The following FARSB variants were observed in gnomAD, a reference collection of about 807,000 sequenced individuals.
FARSB encodes phenylalanyl-tRNA synthetase subunit beta.
Under a neutral mutation model 69.6 loss-of-function variants are expected in FARSB, and 40 were observed. That is an observed-to-expected ratio of 0.57 (90% confidence interval 0.45 to 0.75). FARSB has a LOEUF of 0.75. FARSB is among the 30% of genes least tolerant of loss of function. The probability of loss-of-function intolerance (pLI) is 0.00; values close to 1 mark genes in which losing one functional copy is unlikely to be tolerated. For synonymous variants in FARSB, 235 were observed against 247.2 expected (o/e 0.95, Z 0.46); for missense variants, 632 against 722.9 (o/e 0.87, Z 1.44).
At chr2:222,631,843 TG>T (rs1362355857) in intron 7 of FARSB, among the ~76,000 whole-genome samples, 169 bp from the exon 8 acceptor site, 1 of 152,234 alleles carries the variant, frequency 6.6e-6, no homozygotes, top group Non-Finnish European at 1.5e-5. Context: ...GAGGCCAAAG[TG>T]GGCGGATCAC....
chr2:222,640,524 T>G (rs1691693576), intron 4 of FARSB, among the ~76,000 whole-genome samples: 2 of 151,330 alleles, frequency 1.3e-5, no homozygotes, highest in African/African-American at 2.4e-5. Flanking sequence ...CTCAAGAAGC[T>G]GCAGGGGAAG....
At chr2:222,645,497 C>A (rs1213713397) in intron 2 of FARSB, among the ~76,000 whole-genome samples, 1 of 152,000 alleles carries the variant, frequency 6.6e-6, no homozygotes, top group Non-Finnish European at 1.5e-5. Flanking sequence ...TTAGCCTGAA[C>A]ATTTTTTAAC....
chr2:222,645,203 C>T (rs1036090020), intron 2 of FARSB, among the ~76,000 whole-genome samples: 15 of 152,134 alleles, frequency 9.9e-5, no homozygotes, highest in Admixed American at 2.0e-4. Context: ...CAGAGAGACT[C>T]GTCTGGACTA....
chr2:222,584,130 G>C (rs1690043428), intron 16 of FARSB, among the ~76,000 whole-genome samples: 1 of 152,104 alleles, frequency 6.6e-6, no homozygotes, highest in Admixed American at 6.6e-5. Context: ...TATGGTTATA[G>C]AGAATGATGT....
chr2:222,624,146 T>C, intron 12 of FARSB, 126 bp downstream of exon 12: 1 of 687,370 alleles, frequency 1.5e-6, no homozygotes, highest in South Asian at 1.8e-5. Context: ...CCACAGCAAA[T>C]GCCTCTCATT....
intron 7 of FARSB, 120 bp from the exon 8 acceptor site, chr2:222,631,794 T>C: frequency 1.5e-6 from 1 of 679,710 alleles, no homozygotes; most frequent in Non-Finnish European, 2.6e-6. Flanking sequence ...AACTAACACC[T>C]TGGCCAGGGA....
chr2:222,591,478 G>A (rs1158152985), intron 16 of FARSB, among the ~76,000 whole-genome samples: 1 of 152,154 alleles, frequency 6.6e-6, no homozygotes, highest in Non-Finnish European at 1.5e-5. Context: ...ACCTCTATGT[G>A]ATATGATGAG....
intron 16 of FARSB, among the ~76,000 whole-genome samples, chr2:222,589,859 G>A (rs1473132639): frequency 6.6e-6 from 1 of 152,124 alleles, no homozygotes; most frequent in South Asian, 2.1e-4. Context: ...AAAAAGTCAG[G>A]AAACAACAGG....
At chr2:222,626,603 A>G (rs1453411014) in intron 10 of FARSB, among the ~76,000 whole-genome samples, 1 of 152,196 alleles carries the variant, frequency 6.6e-6, no homozygotes, top group Non-Finnish European at 1.5e-5. Flanking sequence ...CAAATTTACA[A>G]AAGGTCTCTA....
intron 12 of FARSB, 56 bp from the exon 13 acceptor site, chr2:222,623,786 G>A: frequency 1.8e-6 from 2 of 1,117,582 alleles, no homozygotes; most frequent in Non-Finnish European, 2.7e-6. Context: ...TTTTTTAAAA[G>A]GGAGATTTAT....
intron 15 of FARSB, among the ~76,000 whole-genome samples, chr2:222,608,860 G>A (rs139902740): frequency 6.6e-6 from 1 of 152,182 alleles, no homozygotes; most frequent in African/African-American, 2.4e-5. Flanking sequence ...CCTATGAACG[G>A]TCAAGAGGCT....
At position 222,612,466 on chromosome 2, in the gene FARSB, C is replaced by G. The variant is rs187337872; in HGVS notation, c.1462+1345G>C. 1.5e-3 allele frequency among the ~76,000 whole-genome samples: 221 copies of G among 152,294 alleles called. 1 individual carries two copies. Among genetic ancestry groups the G allele is most frequent in the Admixed American group, 0.013 (193 of 15,306 alleles). On this transcript the variant is annotated intron_variant, in intron 15 of 16. Transcript: ENST00000281828. ...ATGGACAGTAGTAGCTCTGGTCATA[C>G]CTCTATAATTCCTAAGATAGGTCGA...
intron 16 of FARSB, among the ~76,000 whole-genome samples, chr2:222,582,883 C>G (rs999917401): frequency 2.0e-5 from 3 of 151,678 alleles, no homozygotes; most frequent in Non-Finnish European, 4.4e-5. Context: ...CGAGATCACG[C>G]CACTGCACTC....
chr2:222,655,593 A>G (rs530866649), intron 1 of FARSB, among the ~76,000 whole-genome samples: 4 of 152,346 alleles, frequency 2.6e-5, no homozygotes, highest in East Asian at 3.9e-4. Flanking sequence ...TAAAACGAAG[A>G]CAGGTGGAAT....
chr2:222,585,736 G>T (rs1046411961), intron 16 of FARSB, among the ~76,000 whole-genome samples: 1 of 152,230 alleles, frequency 6.6e-6, no homozygotes. Flanking sequence ...ACAAGCTTCA[G>T]TAGCTGATTG....
intron 16 of FARSB, among the ~76,000 whole-genome samples, chr2:222,580,387 T>C (rs1459271498): frequency 6.6e-6 from 1 of 151,966 alleles, no homozygotes; most frequent in Admixed American, 6.6e-5. Flanking sequence ...AGGTGAGGCA[T>C]AGTGGTTGTA....
chr2:222,569,131 C>A lies in FARSB; in HGVS notation c.*2740G>T, dbSNP rs1009709583. On this transcript the variant is annotated 3_prime_UTR_variant, in exon 17 of 17. Coordinates refer to ENST00000281828, the MANE Select transcript of FARSB (RefSeq NM_005687.5). ...CTGGATTCGCTTCTTCCAATGCAGC[C>A]GACACTGTTTTTCTGCCTACCATTT... The A allele has an allele frequency of 6.6e-6, 1 of 152,160 alleles. No homozygotes were observed. The highest frequency in any genetic ancestry group is 1.5e-5 in the Non-Finnish European group (1 of 68,026). The allele number at this position is 152,160 out of a possible 1,614,324, so 9.4% of individuals were successfully genotyped here.
intron 5 of FARSB, among the ~76,000 whole-genome samples, chr2:222,635,266 A>T (rs764010100): frequency 4.2e-4 from 64 of 152,356 alleles, no homozygotes; most frequent in African/African-American, 8.2e-4. Flanking sequence ...GAAAGGACAC[A>T]AGTTTGGCTT....
At chr2:222,597,404 T>C (rs1690448084) in intron 16 of FARSB, among the ~76,000 whole-genome samples, 2 of 151,130 alleles carry the variant, frequency 1.3e-5, no homozygotes, top group South Asian at 4.2e-4. Flanking sequence ...TACAACCACA[T>C]CAGAAGTAGT....
Sources: allele counts gnomAD v4.1 joint callset (sites outside exome capture counted in the v4.1 genomes callset), GRCh38; gene constraint gnomAD v4.1.1; transcripts MANE v1.5; gene names NCBI Gene and HGNC (gene_info 2026-07-23, HGNC 2026-07-21).